Variants in ADSL observed in about 807,000 individuals in gnomAD.
ADSL encodes the protein adenylosuccinase.
A neutral mutation model predicts 62.1 loss-of-function variants in ADSL; 44 were observed. That is an observed-to-expected ratio of 0.71 (90% CI 0.56 to 0.91). The LOEUF (loss-of-function observed/expected upper bound fraction) is 0.91, where lower values mean the gene tolerates loss of function less well. ADSL is among the 40% of genes least tolerant of loss of function. The pLI, the probability that ADSL is intolerant of heterozygous loss-of-function variation, is 0.00. For synonymous variants in ADSL, 198 were observed against 220.5 expected (o/e 0.90, Z 0.90); for missense variants, 531 against 627.4 (o/e 0.85, Z 1.64).
At chr22:40,355,036 T>A (rs1342630988) in intron 4 of ADSL, among the ~76,000 whole-genome samples, 1 of 152,186 alleles carries the variant, frequency 6.6e-6, no homozygotes, top group Non-Finnish European at 1.5e-5. Context: ...AAAGACAGTT[T>A]ATAAATTGCA....
At chr22:40,356,632 G>A (rs1569094221) in intron 4 of ADSL, among the ~76,000 whole-genome samples, 1 of 152,020 alleles carries the variant, frequency 6.6e-6, no homozygotes, top group Non-Finnish European at 1.5e-5. Flanking sequence ...ATAGCTTGAG[G>A]CATGGAGTTC....
At chr22:40,371,393 TTG>T (rs2045440516), downstream of ADSL, among the ~76,000 whole-genome samples, 1 of 152,344 alleles carries the variant, frequency 6.6e-6, no homozygotes, top group African/African-American at 2.4e-5. Flanking sequence ...TTGTGGTGGG[TTG>T]ATGGCTCTTT....
chr22:40,377,376 T>C (rs933144420), intron 2 of ADSL, among the ~76,000 whole-genome samples: 3 of 152,244 alleles, frequency 2.0e-5, no homozygotes, highest in African/African-American at 4.8e-5. Context: ...AGAGCTGCTG[T>C]TGTTTTCAAC....
intron 4 of ADSL, among the ~76,000 whole-genome samples, chr22:40,357,805 A>G (rs117941811): frequency 1.3e-5 from 2 of 151,980 alleles, no homozygotes; most frequent in Non-Finnish European, 2.9e-5. Flanking sequence ...TTGAGACAGA[A>G]TCTGGCTGTG....
chr22:40,350,152 C>A, intron 2 of ADSL, 117 bp downstream of exon 2: 1 of 945,888 alleles, frequency 1.1e-6, no homozygotes, highest in Non-Finnish European at 1.6e-6. Flanking sequence ...TTTTTTGAGG[C>A]AGAGTCTCCC....
intron 12 of ADSL, among the ~76,000 whole-genome samples, chr22:40,365,473 A>AG (rs1206009107): frequency 6.6e-6 from 1 of 152,192 alleles, no homozygotes; most frequent in Admixed American, 6.5e-5. Flanking sequence ...CTGGCTGAGA[A>AG]GGTAAAAGTA....
chr22:40,368,790 G>A lies in ADSL; in HGVS notation c.*2268G>A, dbSNP rs1471000273. On this transcript the variant is annotated 3_prime_UTR_variant, in exon 13 of 13. Coordinates refer to ENST00000623063, the MANE Select transcript of ADSL (RefSeq NM_000026.4). ...AAAAATACAATCAACCGGGCGTGGT[G>A]GCAGGCGCCTATAGTCCCAGCTACT... 1 of 152,214 alleles carries A rather than the reference G, an allele frequency of 6.6e-6. No individual in the cohort carries two copies. The highest frequency in any genetic ancestry group is 1.5e-5 in the Non-Finnish European group (1 of 68,072). The allele number at this position is 152,214 out of a possible 1,614,324, so 9.4% of individuals were successfully genotyped here.
chr22:40,348,582 T>C, intron 1 of ADSL: 1 of 398,618 alleles, frequency 2.5e-6, no homozygotes, highest in Admixed American at 4.4e-5. Flanking sequence ...GGTCTCACTG[T>C]GTTTTCCAGT....
Position 40,368,344 on chromosome 22 carries a change from AAGT to A in ADSL, c.*1825_*1827del, listed in dbSNP as rs973155525. On this transcript the variant is annotated 3_prime_UTR_variant, in exon 13 of 13. Transcript: ENST00000623063. Reference sequence around the variant, plus strand: ...CTGAATCGGTTCCAGTTTTATTTAAAAGTAGCCAGGAAATCAGGTTGCGATGAT... The same window carrying A: ...CTGAATCGGTTCCAGTTTTATTTAAAAGCCAGGAAATCAGGTTGCGATGAT... 6.6e-6 allele frequency: 1 copy of A among 152,146 alleles called. No individual in the cohort carries two copies. Among genetic ancestry groups the A allele is most frequent in the Non-Finnish European group, 1.5e-5 (1 of 68,036 alleles). The allele number at this position is 152,146 out of a possible 1,614,324, so 9.4% of individuals were successfully genotyped here.
intron 5 of ADSL, 25 bp from the exon 6 acceptor site, chr22:40,359,235 T>C (rs746657973): frequency 2.2e-5 from 36 of 1,613,282 alleles, no homozygotes; most frequent in Non-Finnish European, 3.1e-5. Context: ...TGGATTATTA[T>C]AAGGATGTGT....
intron 10 of ADSL, 37 bp from the exon 11 acceptor site, chr22:40,364,239 C>T: frequency 6.3e-7 from 1 of 1,582,802 alleles, no homozygotes; most frequent in South Asian, 1.1e-5. Context: ...AACCTTGAGG[C>T]ACCTTTCTTG....
intron 11 of ADSL, 110 bp from the exon 12 acceptor site, chr22:40,364,770 T>C: frequency 8.5e-7 from 1 of 1,176,804 alleles, no homozygotes; most frequent in Non-Finnish European, 1.3e-6. Context: ...CCTAGAGGGG[T>C]TTTGTGTAGA....
intron 2 of ADSL, among the ~76,000 whole-genome samples, chr22:40,383,387 A>G (rs2047896202): frequency 6.6e-6 from 1 of 151,794 alleles, no homozygotes; most frequent in African/African-American, 2.4e-5. Context: ...GAATGGCGTG[A>G]ACCTGGGAGG....
At chr22:40,355,670 G>T (rs1288823301) in intron 4 of ADSL, among the ~76,000 whole-genome samples, 1 of 152,090 alleles carries the variant, frequency 6.6e-6, no homozygotes, top group Non-Finnish European at 1.5e-5. Context: ...GAATAATGCT[G>T]CCATGAACAA....
At chr22:40,347,642 C>T (rs1397347970) in intron 1 of ADSL, among the ~76,000 whole-genome samples, 1 of 152,210 alleles carries the variant, frequency 6.6e-6, no homozygotes, top group Non-Finnish European at 1.5e-5. Context: ...CCTCCCTCCC[C>T]TTATCACTGC....
chr22:40,354,557 T>G (rs1012708339), intron 4 of ADSL, among the ~76,000 whole-genome samples: 5 of 152,180 alleles, frequency 3.3e-5, no homozygotes, highest in Admixed American at 6.5e-5. Context: ...AAATATTCTT[T>G]ATGATAGTAA....
rs879389117 is a variant in ADSL at position 40,369,037 on chromosome 22, G to A, written c.*2515G>A. 5.3e-5 allele frequency: 8 copies of A among 152,334 alleles called. No homozygotes were observed. Among genetic ancestry groups the A allele is most frequent in the Admixed American group, 5.2e-4 (8 of 15,306 alleles). The allele number at this position is 152,334 out of a possible 1,614,324, so 9.4% of individuals were successfully genotyped here. On this transcript the variant is annotated 3_prime_UTR_variant, in exon 13 of 13. Transcript: ENST00000623063. ...CTTCCTTCTCTGCTATGGGCAACTT[G>A]GAGGCAGCAACTACTATCAGTTTAT... is the stretch of plus-strand genomic sequence containing the variant.
At chr22:40,376,450 G>A (rs970636223) in intron 2 of ADSL, 2 of 151,870 alleles carry the variant, frequency 1.3e-5, no homozygotes, top group East Asian at 1.9e-4. Context: ...CACTGCACCC[G>A]GCCTGGCTTT....
intron 6 of ADSL, among the ~76,000 whole-genome samples, 188 bp downstream of exon 6, chr22:40,359,494 T>C (rs2044693462): frequency 6.6e-6 from 1 of 151,018 alleles, no homozygotes; most frequent in Non-Finnish European, 1.5e-5. Flanking sequence ...TTTTTTTTTT[T>C]TTTCGCCTAA....
Sources: allele counts gnomAD v4.1 joint callset (sites outside exome capture counted in the v4.1 genomes callset), GRCh38; gene constraint gnomAD v4.1.1; transcripts MANE v1.5; gene names NCBI Gene and HGNC (gene_info 2026-07-23, HGNC 2026-07-21).